PCDH15: variants seen among roughly 807,000 people sequenced by gnomAD.
PCDH15 encodes the protein protocadherin related 15, also known as protocadherin-15.
PCDH15 carries 129 observed loss-of-function variants against 178.5 expected under a neutral mutation model. The ratio of observed to expected loss-of-function variants is 0.72; its 90% CI spans 0.63 to 0.84. PCDH15 has a LOEUF of 0.84. Ranked by LOEUF, PCDH15 falls within the 40% of genes least tolerant of loss-of-function variation. The pLI is 0.00. For missense variants in PCDH15, 2,230 were observed against 2,099.9 expected (o/e 1.06, Z -1.21); for synonymous variants, 800 against 732.0 (o/e 1.09, Z -1.50).
Position 54,293,085 on chromosome 10 carries a change from A to G in PCDH15, c.876+24186T>C, listed in dbSNP as rs535546203. ...CAAACTATACCACAAAGCTACAGTA[A>G]CCAAAACTGCATGGTACTGGTACAA... On this transcript the variant is annotated intron_variant, in intron 8 of 37. Coordinates refer to ENST00000644397, the MANE Select transcript of PCDH15 (RefSeq NM_001384140.1). 3.9e-5 allele frequency among the ~76,000 whole-genome samples: 6 copies of G among 152,362 alleles called. No homozygotes were observed. In the South Asian group the frequency reaches 1.2e-3, roughly 32 times the overall value.
At chr10:54,888,971 T>C (rs1399978987) in intron 3 of PCDH15, among the ~76,000 whole-genome samples, 1 of 151,866 alleles carries the variant, frequency 6.6e-6, no homozygotes, top group Admixed American at 6.6e-5. Context: ...TCTCGTTAAA[T>C]GTTCCATGAG....
chr10:54,105,277 GATATATATATATAT>G (rs55696020), intron 15 of PCDH15, among the ~76,000 whole-genome samples: 2,140 of 90,462 alleles, frequency 0.024, 77 homozygotes, highest in African/African-American at 0.07. Flanking sequence ...TATAGATGGA[GATATATATATATAT>G]ATATATATAT....
chr10:55,343,190 A>T, intron 2 of PCDH15, among the ~76,000 whole-genome samples: 1 of 152,146 alleles, frequency 6.6e-6, no homozygotes, highest in East Asian at 1.9e-4. Flanking sequence ...GAAAGGAGAA[A>T]TTCTTGAAGG....
chr10:54,277,091 T>C (rs2058391518), intron 8 of PCDH15, among the ~76,000 whole-genome samples: 1 of 151,446 alleles, frequency 6.6e-6, no homozygotes, highest in African/African-American at 2.4e-5. Context: ...GTGTTGTCAC[T>C]CTCTTCCTGA....
At chr10:54,232,177 G>C (rs1193557880) in intron 9 of PCDH15, among the ~76,000 whole-genome samples, 1 of 152,154 alleles carries the variant, frequency 6.6e-6, no homozygotes, top group Non-Finnish European at 1.5e-5. Flanking sequence ...ATAATGGGGG[G>C]AAATTTCCCC....
chr10:54,697,480 TC>T (rs1008262874), intron 1 of PCDH15, among the ~76,000 whole-genome samples: 13 of 151,008 alleles, frequency 8.6e-5, no homozygotes, highest in African/African-American at 3.2e-4. Flanking sequence ...TTTTATTTTT[TC>T]ATTATGTATA....
At position 54,673,733 on chromosome 10, in the gene PCDH15, C is replaced by T. The variant is rs1350877044; in HGVS notation, c.-28-9443G>A. Among the ~76,000 whole-genome samples the T allele has an allele frequency of 3.9e-5, 6 of 152,146 alleles. No homozygotes were observed. In the South Asian group the frequency reaches 6.2e-4, roughly 16 times the overall value. Reference sequence around the variant, plus strand: ...GATTACAGGTGTGAGCCACTGTGCCCGGCCAACATATAACTTTTAATAGTT... The same window carrying T: ...GATTACAGGTGTGAGCCACTGTGCCTGGCCAACATATAACTTTTAATAGTT... On this transcript the variant is annotated intron_variant, in intron 1 of 37. Coordinates refer to ENST00000644397, the MANE Select transcript of PCDH15 (RefSeq NM_001384140.1).
chr10:54,350,614 G>A (rs751794626), intron 5 of PCDH15, among the ~76,000 whole-genome samples: 3 of 152,218 alleles, frequency 2.0e-5, no homozygotes, highest in Non-Finnish European at 4.4e-5. Flanking sequence ...AGTCTAAAAA[G>A]GCTCTAATGA....
chr10:53,945,021 A>T (rs1478781695), intron 23 of PCDH15, among the ~76,000 whole-genome samples: 1 of 152,168 alleles, frequency 6.6e-6, no homozygotes, highest in Non-Finnish European at 1.5e-5. Flanking sequence ...TTCCAAAATC[A>T]CCTCAACTAA....
intron 15 of PCDH15, among the ~76,000 whole-genome samples, chr10:54,098,190 TTGTGTGTGTGTGTG>T (rs35596789): frequency 0.063 from 9,029 of 143,190 alleles, 576 homozygotes; most frequent in African/African-American, 0.15. Flanking sequence ...GAAAATAAAG[TTGTGTGTGTGTGTG>T]TGTGTGTGTG....
rs758369773 is a variant in PCDH15, at chr10:53,995,758, T to C, written c.2759A>G (p.Asn920Ser). The change falls in exon 21 of 38, where the codon AAT becomes AGT. Residue 920 changes from asparagine to serine, a missense_variant. Transcript: ENST00000644397. ...TTTACTAAAGACAGGAGGATAATCA[T>C]TCATATCCTGTAAAACACAATTAGG... is the stretch of plus-strand genomic sequence containing the variant. ...ATVTVIVKDM[N>S]DYPPVFSKRI... is the part of the protein sequence containing the mutation. 9.3e-6 allele frequency: 15 copies of C among 1,613,648 alleles called. No individual in the cohort carries two copies. Among genetic ancestry groups the C allele is most frequent in the Non-Finnish European group, 1.3e-5 (15 of 1,179,640 alleles).
chr10:54,716,831 G>A (rs2095485834), intron 1 of PCDH15, among the ~76,000 whole-genome samples: 1 of 150,226 alleles, frequency 6.7e-6, no homozygotes, highest in Non-Finnish European at 1.5e-5. Flanking sequence ...AACAAAGCTG[G>A]AGGCATCACG....
At chr10:54,444,284 A>C (rs1483928104) in intron 3 of PCDH15, among the ~76,000 whole-genome samples, 2 of 151,688 alleles carry the variant, frequency 1.3e-5, no homozygotes, top group Admixed American at 6.6e-5. Flanking sequence ...AAGATAGTAC[A>C]CTACATGATT....
chr10:55,024,442 A>ATT (rs1322834647), intron 2 of PCDH15, among the ~76,000 whole-genome samples: 2 of 121,412 alleles, frequency 1.6e-5, no homozygotes, highest in African/African-American at 2.9e-5. Context: ...GGGATAATAT[A>ATT]TTATATATAT....
At chr10:54,315,744 T>C (rs775698806) in intron 8 of PCDH15, among the ~76,000 whole-genome samples, 2 of 152,030 alleles carry the variant, frequency 1.3e-5, no homozygotes, top group African/African-American at 2.4e-5. Context: ...TCAATCTTCA[T>C]ATGGCTAGCC....
rs186663128 is a variant in PCDH15 at position 55,304,562 on chromosome 10, A to G, written c.-156+15037T>C. On this transcript the variant is annotated intron_variant, in intron 1 of 5. Transcript: ENST00000458638. ...ATCTACTTCATCTTCCTTATAATCT[A>G]CTTTTGACTCACTCCAAACTGCTTT... is the stretch of plus-strand genomic sequence containing the variant. Among the ~76,000 whole-genome samples, 752 of 152,294 alleles carry G rather than the reference A, an allele frequency of 4.9e-3. 5 individuals carry two copies. The highest frequency in any genetic ancestry group is 0.017 in the African/African-American group (698 of 41,562).
intron 2 of PCDH15, chr10:54,655,171 A>C (rs2094350616): frequency 6.6e-6 from 1 of 151,706 alleles, no homozygotes; most frequent in Non-Finnish European, 1.5e-5. Context: ...AGATCGCGCC[A>C]CTGCACTCCA....
Position 54,107,612 on chromosome 10 carries a change from G to A in PCDH15, c.1918-17549C>T, listed in dbSNP as rs867546451. Reference sequence around the variant, plus strand: ...TGGACTGGCAGTGAAGGGCCAGCAAGAATTGTTAAGAGTCTAATGAGGGTG... The same window carrying A: ...TGGACTGGCAGTGAAGGGCCAGCAAAAATTGTTAAGAGTCTAATGAGGGTG... On this transcript the variant is annotated intron_variant, in intron 15 of 37. Transcript: ENST00000644397. Among the ~76,000 whole-genome samples the A allele has an allele frequency of 4.6e-5, 7 of 152,316 alleles. No homozygotes were observed. In the South Asian group the frequency reaches 1.5e-3, roughly 32 times the overall value.
chr10:54,025,801 C>T (rs1426538258), intron 18 of PCDH15, among the ~76,000 whole-genome samples: 1 of 151,898 alleles, frequency 6.6e-6, no homozygotes, highest in East Asian at 1.9e-4. Flanking sequence ...CTGGCCATTT[C>T]TTCCATTTTT....
Sources: gnomAD v4.1 joint callset for allele counts (sites outside exome capture counted in the v4.1 genomes callset) on GRCh38, gnomAD v4.1.1 for gene constraint, MANE v1.5 for transcripts, NCBI Gene and HGNC (gene_info 2026-07-23, HGNC 2026-07-21) for gene names.